Variants in MEF2D observed in about 807,000 individuals in gnomAD.
The protein encoded by MEF2D is myocyte enhancer factor 2D.
MEF2D carries 10 observed loss-of-function variants against 59.3 expected under a neutral mutation model. The ratio of observed to expected loss-of-function variants is 0.17; its 90% CI spans 0.10 to 0.29. The LOEUF is 0.29. Ranked by LOEUF, MEF2D falls within the 10% of genes least tolerant of loss-of-function variation. The pLI is 1.00. For synonymous variants in MEF2D, 305 were observed against 295.0 expected (o/e 1.03, Z -0.35); for missense variants, 508 against 699.4 (o/e 0.73, Z 3.09).
chr1:156,483,548 C>T (rs1672161177), intron 1 of MEF2D, 118 bp from the exon 2 acceptor site: 2 of 568,228 alleles, frequency 3.5e-6, no homozygotes, highest in Non-Finnish European at 6.3e-6. Flanking sequence ...CTGAGCTCCA[C>T]CCTCAACATG....
intron 3 of MEF2D, 82 bp from the exon 4 acceptor site, chr1:156,481,053 G>A: frequency 6.3e-7 from 1 of 1,583,946 alleles, no homozygotes; most frequent in Non-Finnish European, 8.6e-7. Context: ...CCTCCCTAAG[G>A]GCCCCCTACT....
chr1:156,474,619 T>C (rs1275929621), intron 9 of MEF2D, among the ~76,000 whole-genome samples: 1 of 151,850 alleles, frequency 6.6e-6, no homozygotes, highest in Admixed American at 6.6e-5. Context: ...GAGACTAGCC[T>C]GGGCAACAGA....
At chr1:156,480,084 A>G (rs1276240901) in intron 4 of MEF2D, among the ~76,000 whole-genome samples, 1 of 152,084 alleles carries the variant, frequency 6.6e-6, no homozygotes, top group Non-Finnish European at 1.5e-5. Context: ...CCCCTAGTGG[A>G]GGTGGGTTAG....
chr1:156,483,589 T>A (rs1396585797), intron 1 of MEF2D, among the ~76,000 whole-genome samples, 159 bp from the exon 2 acceptor site: 1 of 152,226 alleles, frequency 6.6e-6, no homozygotes, highest in Non-Finnish European at 1.5e-5. Context: ...GGCAATGGTA[T>A]GCCACAGCCA....
Position 156,481,118 on chromosome 1 carries a change from G to A in MEF2D, c.259-147C>T, listed in dbSNP as rs980324749. On this transcript the variant is annotated intron_variant, in intron 3 of 11. Transcript: ENST00000348159. The stretch of plus-strand genomic sequence containing the variant: ...AGCATCTCCCTGGCCCCTCCCCACT[G>A]ACAGTGCCTCCTGGGGCATCGTGTG... 20 of 1,119,702 alleles carry A rather than the reference G, an allele frequency of 1.8e-5. No homozygotes were observed. The Admixed American group carries it at 2.9e-4, about 16-fold the overall frequency. 69.4% of individuals were successfully genotyped at this position (1,119,702 alleles called of 1,614,324 possible). A position where few individuals can be genotyped will look rare whatever the true frequency, so the allele number is the denominator to read the frequency against.
At chr1:156,472,308 G>A (rs185629437) in intron 9 of MEF2D, among the ~76,000 whole-genome samples, 2 of 152,336 alleles carry the variant, frequency 1.3e-5, no homozygotes, top group East Asian at 3.9e-4. Context: ...TGGGGAGACG[G>A]GCCCACAGCG....
rs1670835155 is a variant in MEF2D, at chr1:156,466,270, G to GA, written c.*1374dup. 6.6e-6 allele frequency: 1 copy of GA among 152,516 alleles called. No individual in the cohort carries two copies. The highest frequency in any genetic ancestry group is 1.5e-5 in the Non-Finnish European group (1 of 68,058). The allele number at this position is 152,516 out of a possible 1,614,324, so 9.4% of individuals were successfully genotyped here. A position where few individuals can be genotyped will look rare whatever the true frequency, so the allele number is the denominator to read the frequency against. ...ATTACAATATACTTTGACAAAAATA[G>GA]AATCTCATTTCATATCAATACAACA... On this transcript the variant is annotated 3_prime_UTR_variant, in exon 12 of 12. Coordinates refer to ENST00000348159, the MANE Select transcript of MEF2D (RefSeq NM_005920.4).
intron 1 of MEF2D, chr1:156,483,992 T>C (rs1379684448): frequency 6.6e-6 from 1 of 152,368 alleles, no homozygotes; most frequent in African/African-American, 2.4e-5. Context: ...TGGAGTCCTG[T>C]AGTGGGGCTT....
At chr1:156,473,387 C>G (rs1478058504) in intron 9 of MEF2D, among the ~76,000 whole-genome samples, 2 of 152,104 alleles carry the variant, frequency 1.3e-5, no homozygotes, top group Non-Finnish European at 2.9e-5. Flanking sequence ...TGGTTCAACT[C>G]TGGGAGGCTT....
chr1:156,481,105 G>A, intron 3 of MEF2D, 134 bp from the exon 4 acceptor site: 1 of 1,277,370 alleles, frequency 7.8e-7, no homozygotes, highest in Non-Finnish European at 1.1e-6. Flanking sequence ...CATCTCCCTG[G>A]CCCCTCCCCA....
At position 156,473,181 on chromosome 1, in the gene MEF2D, T is replaced by C. The variant is rs568738638; in HGVS notation, c.1006+1927A>G. 6.0e-5 allele frequency among the ~76,000 whole-genome samples: 9 copies of C among 151,196 alleles called. No homozygotes were observed. In the South Asian group the frequency reaches 1.9e-3, roughly 32 times the overall value. On this transcript the variant is annotated intron_variant, in intron 9 of 11. Transcript: ENST00000348159. Reference sequence around the variant, plus strand: ...TACAGGTACGTGCCACTACACCCAGTTGATTTTTGTATTTTTAGTAGAGAT... The same window carrying C: ...TACAGGTACGTGCCACTACACCCAGCTGATTTTTGTATTTTTAGTAGAGAT...
chr1:156,468,795 G>A lies in MEF2D; in HGVS notation c.1232C>T (p.Ser411Phe), dbSNP rs1359666162. ...PQQQSHLVPV[S>F]LSNLIPGSPL... Reference sequence around the variant, plus strand: ...CAGGACTCACATGAGGTTGCTGAGAGATACAGGGACCAGGTGGGACTGTTG... The same window carrying A: ...CAGGACTCACATGAGGTTGCTGAGAAATACAGGGACCAGGTGGGACTGTTG... Residue 411 changes from serine to phenylalanine, a missense_variant, in exon 10 of 12, where the codon TCT (serine) becomes TTT (phenylalanine). By Grantham distance (155) the Ser-to-Phe change is radical. This residue lies in a region of MEF2D where 481 missense variants were observed against 584.7 expected (regional missense o/e 0.82). Coordinates refer to ENST00000348159, the MANE Select transcript of MEF2D (RefSeq NM_005920.4). This position sits in a 1 kb window ranked among gnomAD's most constrained non-coding sequence, Gnocchi z 4.3. The A allele has an allele frequency of 2.5e-6, 4 of 1,612,992 alleles. No individual in the cohort carries two copies. The Admixed American group carries it at 6.7e-5, about 27-fold the overall frequency.
At chr1:156,476,885 C>T (rs1671643366) in intron 7 of MEF2D, 127 bp downstream of exon 7, 2 of 1,150,958 alleles carry the variant, frequency 1.7e-6, no homozygotes, top group South Asian at 1.5e-5. Context: ...AGCCATGGTT[C>T]CAAGATTTAT....
chr1:156,478,562 C>T (rs1243525363), intron 6 of MEF2D, among the ~76,000 whole-genome samples: 1 of 152,146 alleles, frequency 6.6e-6, no homozygotes, highest in Non-Finnish European at 1.5e-5. Context: ...CGGAGTTTCG[C>T]TCCTGTTGCC....
In MEF2D at chr1:156,467,534, G is replaced by A. The variant is rs556209577; in HGVS notation, c.*111C>T. On this transcript the variant is annotated 3_prime_UTR_variant, in exon 12 of 12. Transcript: ENST00000348159. ...AATGTAACCGTCAACAGGACACGAAGCACAAGAAAGGAAGTGGGGGTCGAG... is the reference window on the plus strand; with the variant it reads ...AATGTAACCGTCAACAGGACACGAAACACAAGAAAGGAAGTGGGGGTCGAG... The A allele has an allele frequency of 7.4e-5, 50 of 671,390 alleles. 2 individuals are homozygous for A. The South Asian group carries it at 1.4e-3, about 19-fold the overall frequency. 41.6% of individuals were successfully genotyped at this position (671,390 alleles called of 1,614,324 possible). A position where few individuals can be genotyped will look rare whatever the true frequency, so the allele number is the denominator to read the frequency against.
chr1:156,491,806 C>T (rs945817071), intron 1 of MEF2D, among the ~76,000 whole-genome samples: 3 of 152,226 alleles, frequency 2.0e-5, no homozygotes, highest in Admixed American at 6.5e-5. Flanking sequence ...ATTTGCATAG[C>T]GTCTCTGACC....
At chr1:156,476,551 TCTGGCCG>T in intron 7 of MEF2D, 37 bp from the exon 8 acceptor site, 1 of 1,604,060 alleles carries the variant, frequency 6.2e-7, no homozygotes, top group Non-Finnish European at 8.5e-7. Flanking sequence ...ATGTTCAGTC[TCTGGCCG>T]CTGCCCTCCC....
chr1:156,488,396 A>T (rs984132576), intron 1 of MEF2D, among the ~76,000 whole-genome samples: 2 of 152,182 alleles, frequency 1.3e-5, no homozygotes, highest in African/African-American at 4.8e-5. Context: ...CCAACTGTGG[A>T]GAAGGGTGGC....
rs139333822 is a variant in MEF2D at position 156,475,890 on chromosome 1, A to G, written c.876+604T>C. The stretch of plus-strand genomic sequence containing the variant: ...ATGTAAGTGTGTGAGACAGAGGAGG[A>G]AAATGAGCAGCTGTGCATGCCTCTG... On this transcript the variant is annotated intron_variant, in intron 8 of 11. Transcript: ENST00000348159. Among the ~76,000 whole-genome samples the G allele has an allele frequency of 5.9e-5, 9 of 152,282 alleles. No homozygotes were observed. The East Asian group carries it at 1.3e-3, about 23-fold the overall frequency.
Sources: gnomAD v4.1 joint callset for allele counts (sites outside exome capture counted in the v4.1 genomes callset) on GRCh38, gnomAD v4.1.1 for gene constraint, gnomAD v4.1.1 regional missense constraint, Gnocchi (gnomAD v3.1) non-coding constraint, MANE v1.5 for transcripts, NCBI Gene and HGNC (gene_info 2026-07-23, HGNC 2026-07-21) for gene names.